The following ANK2 variants were observed in gnomAD, a reference collection of about 807,000 sequenced individuals.
ANK2 encodes ankyrin-2.
A neutral mutation model predicts 360.5 loss-of-function variants in ANK2; 83 were observed. The observed-to-expected ratio is 0.23, with a 90% CI of 0.19 to 0.28. The LOEUF is 0.28. Among genes scored for constraint, ANK2 ranks in the 10% least tolerant of loss-of-function variants. ANK2 has a pLI of 1.00. For missense variants in ANK2, 4,201 were observed against 4,795.7 expected, an observed-to-expected ratio of 0.88 and a Z score of 3.66; for synonymous variants, 1,740 against 1,759.5, an observed-to-expected ratio of 0.99 and a Z score of 0.28.
chr4:113,381,376 G>A, intron 45 of ANK2, 81 bp from the exon 46 acceptor site: 2 of 1,472,110 alleles, frequency 1.4e-6, no homozygotes, highest in East Asian at 4.5e-5. Flanking sequence ...TAGGTACTCA[G>A]TGTAATGGTC....
At chr4:112,758,144 C>T in the ANK2 span, among the ~76,000 whole-genome samples, 2 of 152,076 alleles carry the variant, frequency 1.3e-5, no homozygotes, top group East Asian at 3.9e-4. Context: ...TCAGGTGATC[C>T]GCCCGCCTCG....
rs67738042 is a variant in ANK2, at chr4:113,286,333, A to G, written c.2080-1272A>G. On this transcript the variant is annotated intron_variant, in intron 18 of 45. Coordinates refer to ENST00000357077, the MANE Select transcript of ANK2 (RefSeq NM_001148.6). Reference sequence around the variant, plus strand: ...TAGAAAAGGATACACCTTCTATCTCACCCTGTGTTTTACGAAACTCAAAGT... The same window carrying G: ...TAGAAAAGGATACACCTTCTATCTCGCCCTGTGTTTTACGAAACTCAAAGT... 4.6e-3 allele frequency among the ~76,000 whole-genome samples: 703 copies of G among 152,272 alleles called. 6 individuals carry two copies. The highest frequency in any genetic ancestry group is 8.1e-3 in the Non-Finnish European group (552 of 68,020).
At chr4:112,742,679 A>G in the ANK2 span, among the ~76,000 whole-genome samples, 2 of 152,126 alleles carry the variant, frequency 1.3e-5, no homozygotes, top group Admixed American at 6.6e-5. Context: ...ATTCCATTAT[A>G]ATCATTTATA....
intron 2 of ANK2, among the ~76,000 whole-genome samples, chr4:113,040,976 C>G (rs1374911355): frequency 6.6e-6 from 1 of 152,106 alleles, no homozygotes; most frequent in Admixed American, 6.6e-5. Flanking sequence ...CCACTGTCCT[C>G]TTCTTGTTTC....
At chr4:113,098,303 T>A (rs902154721) in intron 1 of ANK2, among the ~76,000 whole-genome samples, 13 of 151,886 alleles carry the variant, frequency 8.6e-5, no homozygotes, top group Non-Finnish European at 1.8e-4. Context: ...GTTGATAAAA[T>A]TTTAGTCAAA....
the ANK2 span, among the ~76,000 whole-genome samples, chr4:112,722,042 CTG>C: frequency 1.3e-5 from 2 of 152,178 alleles, no homozygotes; most frequent in South Asian, 4.1e-4. Context: ...ATTTTGTTAA[CTG>C]TATTAAACAT....
chr4:113,104,498 G>T (rs2093368355), intron 1 of ANK2, among the ~76,000 whole-genome samples: 1 of 152,192 alleles, frequency 6.6e-6, no homozygotes, highest in South Asian at 2.1e-4. Context: ...CAGATCACCT[G>T]AGATCAGGAG....
intron 1 of ANK2, among the ~76,000 whole-genome samples, chr4:112,886,419 C>T (rs545404324): frequency 1.3e-5 from 2 of 152,136 alleles, no homozygotes; most frequent in East Asian, 3.9e-4. Flanking sequence ...AATCCCAGGA[C>T]TTAGGGAGGC....
intron 1 of ANK2, among the ~76,000 whole-genome samples, chr4:113,141,960 G>A (rs559672272): frequency 2.6e-5 from 4 of 152,272 alleles, no homozygotes; most frequent in East Asian, 1.9e-4. Context: ...AATATGTCAC[G>A]TCATGGAGGC....
rs1579131712 is a variant in ANK2, at chr4:112,827,073, C to T, written c.-40+8809C>T. The T allele has an allele frequency of 4.3e-6, 5 of 1,176,092 alleles. No homozygotes were observed. In the East Asian group the frequency reaches 9.3e-5, roughly 22 times the overall value. The allele number at this position is 1,176,092 out of a possible 1,614,324, so 72.9% of individuals were successfully genotyped here. On this transcript the variant is annotated intron_variant, in intron 1 of 30. Coordinates refer to the ANK2 transcript ENST00000503271. Reference sequence around the variant, plus strand: ...TAACTGTTGCTGTGAACTTGATCACCCATGCAACACAGGAAAAATTATGAA... The same window carrying T: ...TAACTGTTGCTGTGAACTTGATCACTCATGCAACACAGGAAAAATTATGAA...
At chr4:113,014,386 A>G (rs190143237) in intron 2 of ANK2, among the ~76,000 whole-genome samples, 3 of 152,312 alleles carry the variant, frequency 2.0e-5, no homozygotes, top group African/African-American at 7.2e-5. Context: ...CGATAACCCT[A>G]GGAGGATTCT....
At chr4:113,187,793 T>C (rs919847004) in intron 2 of ANK2, among the ~76,000 whole-genome samples, 2 of 152,184 alleles carry the variant, frequency 1.3e-5, no homozygotes, top group African/African-American at 4.8e-5. Context: ...TGACACATAA[T>C]AGATATCCAA....
intron 2 of ANK2, 97 bp downstream of exon 2, chr4:113,174,614 A>G: frequency 1.0e-6 from 1 of 999,794 alleles, no homozygotes; most frequent in Non-Finnish European, 1.5e-6. Flanking sequence ...AAAAATACTA[A>G]AATATCAGTG....
the ANK2 span, among the ~76,000 whole-genome samples, chr4:112,712,978 A>T: frequency 3.9e-5 from 6 of 152,172 alleles, no homozygotes; most frequent in East Asian, 1.2e-3. Flanking sequence ...CTCCCTGAAA[A>T]TTTCCCTCAT....
intron 2 of ANK2, among the ~76,000 whole-genome samples, chr4:112,937,115 T>C (rs558831947): frequency 6.6e-6 from 1 of 151,976 alleles, no homozygotes; most frequent in Non-Finnish European, 1.5e-5. Flanking sequence ...TAAGCACTTT[T>C]AAAATTTTTG....
intron 37 of ANK2, chr4:113,350,615 CTTT>C (rs1249714204): frequency 4.3e-6 from 1 of 231,836 alleles, no homozygotes; most frequent in African/African-American, 2.3e-5. Context: ...GACAGTATCA[CTTT>C]TTATGTAATG....
chr4:112,715,613 T>C, the ANK2 span, among the ~76,000 whole-genome samples: 1 of 152,224 alleles, frequency 6.6e-6, no homozygotes, highest in Non-Finnish European at 1.5e-5. Flanking sequence ...AATCACTACA[T>C]GCAAATGCTG....
chr4:113,188,666 A>G (rs1423187055), intron 2 of ANK2, among the ~76,000 whole-genome samples: 1 of 152,206 alleles, frequency 6.6e-6, no homozygotes, highest in East Asian at 1.9e-4. Flanking sequence ...TCAGATTGGC[A>G]CTAAAATAAA....
In ANK2 at chr4:112,931,433, C is replaced by CTTTTTT. The variant is rs59802557; in HGVS notation, c.21+26937_21+26942dup. 4.3e-3 allele frequency among the ~76,000 whole-genome samples: 367 copies of CTTTTTT among 85,052 alleles called. 3 individuals are homozygous for CTTTTTT. The highest frequency in any genetic ancestry group is 8.9e-3 in the Middle Eastern group (1 of 112). The allele number at this position is 85,052 out of a possible 152,430, so 55.8% of individuals were successfully genotyped here. ...TACCTTTCAAAGATTTCTTTCTTTT[C>CTTTTTT]TTTTTTTTTTTTTTTTTTTTTTTGG... On this transcript the variant is annotated intron_variant, in intron 2 of 30. Coordinates refer to the ANK2 transcript ENST00000503271.
Sources: gnomAD v4.1 joint callset for allele counts (sites outside exome capture counted in the v4.1 genomes callset) on GRCh38, gnomAD v4.1.1 for gene constraint, MANE v1.5 for transcripts, NCBI Gene and HGNC (gene_info 2026-07-23, HGNC 2026-07-21) for gene names.